The following PLEKHA8 variants were observed in gnomAD, a reference collection of about 807,000 sequenced individuals.
PLEKHA8 encodes the protein pleckstrin homology domain-containing family A member 8.
A neutral mutation model predicts 68.2 loss-of-function variants in PLEKHA8; 36 were observed. The ratio of observed to expected loss-of-function variants is 0.53; its 90% CI spans 0.40 to 0.70. PLEKHA8 has a LOEUF of 0.70. Among genes scored for constraint, PLEKHA8 ranks in the 30% least tolerant of loss-of-function variants. The probability of loss-of-function intolerance (pLI) is 0.00; values close to 1 mark genes in which losing one functional copy is unlikely to be tolerated. For missense variants in PLEKHA8, 505 were observed against 615.4 expected (o/e 0.82, Z 1.90); for synonymous variants, 211 against 216.1 (o/e 0.98, Z 0.20).
At chr7:30,044,068 A>C (rs1008119724) in intron 1 of PLEKHA8, among the ~76,000 whole-genome samples, 1 of 151,706 alleles carries the variant, frequency 6.6e-6, no homozygotes, top group Non-Finnish European at 1.5e-5. Flanking sequence ...AGTCTCAAAA[A>C]AGATCTCGGC....
chr7:30,052,531 G>A (rs1792497700), intron 6 of PLEKHA8, among the ~76,000 whole-genome samples, 178 bp from the exon 7 acceptor site: 1 of 151,836 alleles, frequency 6.6e-6, no homozygotes, highest in Admixed American at 6.6e-5. Context: ...AGCTACTCAG[G>A]GTGGAGTGCT....
intron 13 of PLEKHA8, among the ~76,000 whole-genome samples, chr7:30,102,451 C>A (rs1221925941): frequency 6.6e-6 from 1 of 152,160 alleles, no homozygotes; most frequent in Non-Finnish European, 1.5e-5. Flanking sequence ...AAAGCAGAGA[C>A]TTGAGGAGAT....
chr7:30,121,900 T>C (rs1373371473), intron 13 of PLEKHA8, among the ~76,000 whole-genome samples: 1 of 152,216 alleles, frequency 6.6e-6, no homozygotes, highest in Non-Finnish European at 1.5e-5. Context: ...CTAGAGTTGC[T>C]TGGAGCTATT....
chr7:30,117,939 A>C lies in PLEKHA8; in HGVS notation c.1363-11327A>C, dbSNP rs770011374. ...CATATTTTTATTTTTTAAAAAATTTAAAAACTGAGACGTGGATTCATTTCT... is the reference window on the plus strand; with the variant it reads ...CATATTTTTATTTTTTAAAAAATTTCAAAACTGAGACGTGGATTCATTTCT... On this transcript the variant is annotated intron_variant, in intron 13 of 13. Transcript: ENST00000396257. 368 of 1,464,304 alleles carry C rather than the reference A, an allele frequency of 2.5e-4. 1 individual carries two copies. Among genetic ancestry groups the C allele is most frequent in the Non-Finnish European group, 3.0e-4 (329 of 1,090,008 alleles). The allele number at this position is 1,464,304 out of a possible 1,614,324, so 90.7% of individuals were successfully genotyped here.
chr7:30,073,492 C>T (rs1273164787), intron 12 of PLEKHA8, among the ~76,000 whole-genome samples: 1 of 149,050 alleles, frequency 6.7e-6, no homozygotes, highest in African/African-American at 2.5e-5. Flanking sequence ...GACCTTTTCC[C>T]ACCATGATAA....
At chr7:30,090,126 A>G in intron 12 of PLEKHA8, 1 of 1,536,924 alleles carries the variant, frequency 6.5e-7, no homozygotes, top group Non-Finnish European at 8.8e-7. Flanking sequence ...AGGAATCTTT[A>G]GATTAAAAGA....
chr7:30,085,417 T>G (rs1185019118), downstream of PLEKHA8, among the ~76,000 whole-genome samples: 1 of 152,190 alleles, frequency 6.6e-6, no homozygotes, highest in Admixed American at 6.5e-5. Flanking sequence ...AGACACTAGA[T>G]GTAGAACAAT....
chr7:30,098,748 G>A (rs139305367), intron 13 of PLEKHA8, among the ~76,000 whole-genome samples: 2,698 of 152,322 alleles, frequency 0.018, 99 homozygotes, highest in African/African-American at 0.061. Context: ...TCTTTGACTA[G>A]GAAAGGGAAT....
chr7:30,079,956 A>T lies in PLEKHA8; in HGVS notation c.*1169A>T, dbSNP rs1483698176. The T allele has an allele frequency of 3.0e-6, 3 of 984,508 alleles. No individual in the cohort carries two copies. The highest frequency in any genetic ancestry group is 3.6e-6 in the Non-Finnish European group (3 of 829,780). 61.0% of individuals were successfully genotyped at this position (984,508 alleles called of 1,614,324 possible). On this transcript the variant is annotated 3_prime_UTR_variant, in exon 14 of 14. Transcript: ENST00000449726. ...ATTTAAATAAAATAGCTAAATGGAG[A>T]GTGAGAAGTGGAGCAGGTTCATTCA...
At chr7:30,100,241 G>C (rs950933522) in intron 13 of PLEKHA8, among the ~76,000 whole-genome samples, 1 of 152,184 alleles carries the variant, frequency 6.6e-6, no homozygotes, top group African/African-American at 2.4e-5. Context: ...ACAGGTACCA[G>C]AGATTAGGAT....
intron 13 of PLEKHA8, among the ~76,000 whole-genome samples, chr7:30,102,031 A>T (rs553631441): frequency 6.6e-6 from 1 of 152,388 alleles, no homozygotes; most frequent in East Asian, 1.9e-4. Context: ...TGCAAATCAT[A>T]CATCTGATAA....
intron 7 of PLEKHA8, 144 bp downstream of exon 7, chr7:30,053,010 A>G (rs1016732994): frequency 2.9e-5 from 18 of 621,114 alleles, no homozygotes; most frequent in Middle Eastern, 7.9e-4. Flanking sequence ...AAGATAAGTC[A>G]TATGACTGAA....
chr7:30,029,420 C>T (rs141118243), intron 1 of PLEKHA8, among the ~76,000 whole-genome samples: 2 of 152,148 alleles, frequency 1.3e-5, no homozygotes, highest in Admixed American at 6.5e-5. Context: ...TAAATGAATG[C>T]AAATATTTGC....
intron 1 of PLEKHA8, among the ~76,000 whole-genome samples, chr7:30,043,945 G>A (rs1364445100): frequency 6.6e-6 from 1 of 152,118 alleles, no homozygotes; most frequent in Non-Finnish European, 1.5e-5. Context: ...ATCCCTAAAG[G>A]GCTGTGGCAT....
chr7:30,036,420 ATAG>A (rs2127961642), intron 1 of PLEKHA8, among the ~76,000 whole-genome samples: 1 of 99,874 alleles, frequency 1.0e-5, no homozygotes, highest in South Asian at 3.4e-4. Flanking sequence ...AGATAGATAG[ATAG>A]ATAGATAGAT....
At chr7:30,124,170 G>A (rs181275503) in intron 13 of PLEKHA8, among the ~76,000 whole-genome samples, 13 of 152,036 alleles carry the variant, frequency 8.6e-5, no homozygotes, top group South Asian at 2.1e-4. Context: ...GGCTTTTTTC[G>A]TTGTTTCTGA....
At chr7:30,058,839 A>G (rs538085961) in intron 9 of PLEKHA8, among the ~76,000 whole-genome samples, 30 of 152,338 alleles carry the variant, frequency 2.0e-4, no homozygotes, top group Admixed American at 6.5e-4. Context: ...CTTAAACAAC[A>G]TCGAAGGCTG....
chr7:30,104,847 C>T (rs916870354), intron 13 of PLEKHA8, among the ~76,000 whole-genome samples: 3 of 151,336 alleles, frequency 2.0e-5, no homozygotes, highest in Non-Finnish European at 2.9e-5. Context: ...CTCAGCCTTC[C>T]GAGTGGTTGG....
At position 30,049,123 on chromosome 7, in the gene PLEKHA8, A is replaced by G. The variant is rs1792197072; in HGVS notation, c.439-101A>G. ...GATGTACATATTTCAGCAGGTGGGT[A>G]CATTATTATTATTTTGTGGGCAACC... On this transcript the variant is annotated intron_variant, in intron 4 of 13. Coordinates refer to ENST00000449726, the MANE Select transcript of PLEKHA8 (RefSeq NM_001197026.2). The G allele has an allele frequency of 3.7e-6, 5 of 1,352,016 alleles. No individual in the cohort carries two copies. In the South Asian group the frequency reaches 4.8e-5, roughly 13 times the overall value. 83.8% of individuals were successfully genotyped at this position (1,352,016 alleles called of 1,614,324 possible). A position where few individuals can be genotyped will look rare whatever the true frequency, so the allele number is the denominator to read the frequency against.
Sources: allele counts gnomAD v4.1 joint callset (sites outside exome capture counted in the v4.1 genomes callset), GRCh38; gene constraint gnomAD v4.1.1; transcripts MANE v1.5; gene names NCBI Gene and HGNC (gene_info 2026-07-23, HGNC 2026-07-21).